Variants in FBXO25 observed in about 807,000 individuals in gnomAD.
FBXO25 encodes F-box protein 25.
FBXO25 carries 45 observed loss-of-function variants against 51.9 expected under a neutral mutation model. The observed-to-expected ratio is 0.87, with a 90% CI of 0.68 to 1.11. FBXO25 has a LOEUF of 1.11. Among genes scored for constraint, FBXO25 ranks in the 50% most tolerant of loss-of-function variants. FBXO25 has a pLI of 0.00. For synonymous variants in FBXO25, 199 were observed against 151.0 expected (o/e 1.32, Z -2.33); for missense variants, 507 against 428.5 (o/e 1.18, Z -1.62).
intron 2 of FBXO25, among the ~76,000 whole-genome samples, chr8:414,662 A>G (rs1413858055): frequency 2.0e-5 from 3 of 152,142 alleles, no homozygotes; most frequent in African/African-American, 4.8e-5. Flanking sequence ...TTCTTTGCAT[A>G]ACTGGCTACC....
chr8:456,533 T>C (rs2116772404), intron 7 of FBXO25, among the ~76,000 whole-genome samples: 1 of 152,326 alleles, frequency 6.6e-6, no homozygotes, highest in Non-Finnish European at 1.5e-5. Context: ...TCTCTTGGAC[T>C]GTGCAGCTCC....
At chr8:430,633 T>A (rs187407991) in intron 2 of FBXO25, among the ~76,000 whole-genome samples, 2 of 152,334 alleles carry the variant, frequency 1.3e-5, no homozygotes, top group East Asian at 1.9e-4. Context: ...AAATCTGTTA[T>A]CAGTGTGTGG....
rs1296703297 is a variant in FBXO25, at chr8:476,965, G to C, written c.*8161G>C. 6.7e-6 allele frequency: 1 copy of C among 148,366 alleles called. No homozygotes were observed. Among genetic ancestry groups the C allele is most frequent in the Admixed American group, 6.7e-5 (1 of 14,946 alleles). 9.2% of individuals were successfully genotyped at this position (148,366 alleles called of 1,614,324 possible). A position where few individuals can be genotyped will look rare whatever the true frequency, so the allele number is the denominator to read the frequency against. ...CAAATTTCCCTCCTACCACTGCTTT[G>C]ACTGTACCTGTTTTTTTGTATATTA... is the stretch of plus-strand genomic sequence containing the variant. On this transcript the variant is annotated 3_prime_UTR_variant, in exon 10 of 10. Transcript: ENST00000350302.
intron 2 of FBXO25, among the ~76,000 whole-genome samples, chr8:429,211 C>CT (rs139956803): frequency 0.13 from 19,941 of 151,552 alleles, 1,550 homozygotes; most frequent in African/African-American, 0.21. Flanking sequence ...TTGTTAGTTT[C>CT]TTTTTTTTTA....
At chr8:418,333 CTTTT>C (rs1207244013) in intron 2 of FBXO25, among the ~76,000 whole-genome samples, 54 of 72,322 alleles carry the variant, frequency 7.5e-4, no homozygotes, top group African/African-American at 2.9e-3. Context: ...TTTGTTTGTT[CTTTT>C]TTTTTTTTTT....
intron 2 of FBXO25, among the ~76,000 whole-genome samples, chr8:424,516 A>C (rs570381027): frequency 1.3e-5 from 2 of 152,238 alleles, no homozygotes; most frequent in East Asian, 3.9e-4. Flanking sequence ...GAAATCTTTA[A>C]TATATTTTGA....
rs775511222 is a variant in FBXO25, at chr8:467,724, A to G, written c.988-991A>G. ...TCTTTCTTCATGATCTCGAAGGACT[A>G]CCATCTTGCTTTACTATTCAAGGTA... On this transcript the variant is annotated intron_variant, in intron 9 of 9. Transcript: ENST00000350302. 6 of 1,613,784 alleles carry G rather than the reference A, an allele frequency of 3.7e-6. No homozygotes were observed. In the South Asian group the frequency reaches 4.4e-5, roughly 12 times the overall value.
At chr8:463,253 T>G in intron 9 of FBXO25, 103 bp downstream of exon 9, 1 of 1,269,400 alleles carries the variant, frequency 7.9e-7, no homozygotes, top group Non-Finnish European at 1.1e-6. Context: ...AAAATACTGT[T>G]TGTTATAAGT....
At chr8:461,788 C>G (rs1423153176) in intron 8 of FBXO25, among the ~76,000 whole-genome samples, 2 of 152,318 alleles carry the variant, frequency 1.3e-5, no homozygotes, top group African/African-American at 4.8e-5. Flanking sequence ...GCTTCTTACC[C>G]TTTGCATGAT....
chr8:469,704 C>G lies in FBXO25; in HGVS notation c.*900C>G, dbSNP rs948874925. 6.6e-6 allele frequency: 1 copy of G among 152,112 alleles called. No homozygotes were observed. The highest frequency in any genetic ancestry group is 1.5e-5 in the Non-Finnish European group (1 of 68,018). The allele number at this position is 152,112 out of a possible 1,614,324, so 9.4% of individuals were successfully genotyped here. On this transcript the variant is annotated 3_prime_UTR_variant, in exon 10 of 10. Transcript: ENST00000350302. ...AAATTAGAAAATCAGTCCCACCACC[C>G]AAAGATTATTGTGCATGCTGAAAAG...
chr8:428,503 C>G (rs1347926976), intron 2 of FBXO25, among the ~76,000 whole-genome samples: 1 of 151,796 alleles, frequency 6.6e-6, no homozygotes, highest in Admixed American at 6.6e-5. Context: ...CCTCTCCTCT[C>G]TTGCACACTG....
At chr8:463,271 G>C in intron 9 of FBXO25, 121 bp downstream of exon 9, 1 of 1,129,172 alleles carries the variant, frequency 8.9e-7, no homozygotes, top group Non-Finnish European at 1.3e-6. Context: ...AGTAAGTTAA[G>C]GAGATATATT....
At chr8:438,070 T>C (rs1285835595) in intron 5 of FBXO25, among the ~76,000 whole-genome samples, 2 of 152,058 alleles carry the variant, frequency 1.3e-5, no homozygotes, top group African/African-American at 4.8e-5. Flanking sequence ...TTTTTTTTTT[T>C]TTTAGATGGA....
chr8:445,685 C>G (rs1798696191), intron 5 of FBXO25, among the ~76,000 whole-genome samples: 1 of 152,146 alleles, frequency 6.6e-6, no homozygotes, highest in Non-Finnish European at 1.5e-5. Context: ...AAACCTGTCT[C>G]TACTAAAAAT....
chr8:449,729 A>G (rs1798960821), intron 5 of FBXO25, among the ~76,000 whole-genome samples: 1 of 152,186 alleles, frequency 6.6e-6, no homozygotes, highest in Admixed American at 6.5e-5. Context: ...GGGAGGAGAT[A>G]TGCTTCCACT....
chr8:445,612 G>T (rs1197114759), intron 5 of FBXO25, among the ~76,000 whole-genome samples: 1 of 152,220 alleles, frequency 6.6e-6, no homozygotes, highest in Non-Finnish European at 1.5e-5. Flanking sequence ...CAGCACTTTG[G>T]GAGGCCGAGG....
intron 9 of FBXO25, among the ~76,000 whole-genome samples, chr8:465,194 G>GCC (rs3214778): frequency 2.0e-5 from 3 of 151,944 alleles, no homozygotes; most frequent in Non-Finnish European, 2.9e-5. Context: ...AGGGAACAGG[G>GCC]CCCCCCTTCT....
Position 468,857 on chromosome 8 carries a change from G to A in FBXO25, c.*53G>A. On this transcript the variant is annotated 3_prime_UTR_variant, in exon 10 of 10. Coordinates refer to ENST00000350302, the MANE Select transcript of FBXO25 (RefSeq NM_183420.2). ...ATTGTGAATCCTGCTGTCTGTGCAG[G>A]GCTCATAGTGAGTGTTCTGTGAGGT... 6.4e-7 allele frequency: 1 copy of A among 1,554,454 alleles called. No individual in the cohort carries two copies. The highest frequency in any genetic ancestry group is 8.8e-7 in the Non-Finnish European group (1 of 1,135,940).
chr8:413,614 A>G (rs1200739538), intron 2 of FBXO25, among the ~76,000 whole-genome samples: 1 of 152,170 alleles, frequency 6.6e-6, no homozygotes, highest in African/African-American at 2.4e-5. Context: ...CTTTGCTCGT[A>G]ACATTGTCAA....
Sources: gnomAD v4.1 joint callset for allele counts (sites outside exome capture counted in the v4.1 genomes callset) on GRCh38, gnomAD v4.1.1 for gene constraint, MANE v1.5 for transcripts, NCBI Gene and HGNC (gene_info 2026-07-23, HGNC 2026-07-21) for gene names.